The following SMAD2 variants were observed in gnomAD, a reference collection of about 807,000 sequenced individuals.
The protein encoded by SMAD2 is MAD homolog 2.
In SMAD2, 8 loss-of-function variants were observed where a neutral mutation model predicts 64.4. The observed-to-expected ratio is 0.12, with a 90% CI of 0.07 to 0.22. The LOEUF is 0.22. Among genes scored for constraint, SMAD2 ranks in the 10% least tolerant of loss-of-function variants. The pLI is 1.00. For missense variants in SMAD2, 289 were observed against 561.2 expected (o/e 0.51, Z 4.90); for synonymous variants, 203 against 195.8 (o/e 1.04, Z -0.31).
At position 47,815,384 on chromosome 18, in the gene SMAD2, T is replaced by G. The variant is rs1411076868; in HGVS notation, c.*26443A>C. On this transcript the variant is annotated 3_prime_UTR_variant, in exon 11 of 11. Transcript: ENST00000262160. ...AGCTGGGAAGAGGGAAGAACATTGA[T>G]AGAAAATCTGAAAGCCCACAGGGAA... 1 of 152,172 alleles carries G rather than the reference T, an allele frequency of 6.6e-6. No homozygotes were observed. The highest frequency in any genetic ancestry group is 1.5e-5 in the Non-Finnish European group (1 of 68,030). The allele number at this position is 152,172 out of a possible 1,614,324, so 9.4% of individuals were successfully genotyped here. A position where few individuals can be genotyped will look rare whatever the true frequency, so the allele number is the denominator to read the frequency against.
rs1217244256 is a variant in SMAD2, at chr18:47,817,394, A to G, written c.*24433T>C. 6.6e-6 allele frequency: 1 copy of G among 152,206 alleles called. No individual in the cohort carries two copies. The highest frequency in any genetic ancestry group is 1.5e-5 in the Non-Finnish European group (1 of 68,028). 9.4% of individuals were successfully genotyped at this position (152,206 alleles called of 1,614,324 possible). ...TACATCCCTCCTGGGATGACAAAAG[A>G]CTTTTTGTCTTTCCTGGCAAGTCCT... On this transcript the variant is annotated 3_prime_UTR_variant, in exon 11 of 11. Coordinates refer to ENST00000262160, the MANE Select transcript of SMAD2 (RefSeq NM_005901.6).
At chr18:47,877,765 T>C (rs1223359303) in intron 2 of SMAD2, among the ~76,000 whole-genome samples, 1 of 152,176 alleles carries the variant, frequency 6.6e-6, no homozygotes, top group Non-Finnish European at 1.5e-5. Context: ...ATTTTTTAAG[T>C]TGCTGCATTA....
chr18:47,873,381 A>C (rs2032063461), intron 2 of SMAD2, among the ~76,000 whole-genome samples: 1 of 152,234 alleles, frequency 6.6e-6, no homozygotes, highest in South Asian at 2.1e-4. Context: ...TAGAGGTATT[A>C]ACTCTACCAA....
chr18:47,841,852 G>A lies in SMAD2; in HGVS notation c.1379C>T (p.Ser460Leu). 6.2e-7 allele frequency: 1 copy of A among 1,614,148 alleles called. No homozygotes were observed. Among genetic ancestry groups the A allele is most frequent in the Non-Finnish European group, 8.5e-7 (1 of 1,180,012 alleles). ...TTATGACATGCTTGAGCAACGCACT[G>A]AAGGGGATCCCATCTGAGTTAATAC... ...DKVLTQMGSP[S>L]VRCSSMS Residue 460 changes from serine (S) to leucine (L), a missense_variant, in exon 11 of 11, where the codon TCA (serine) becomes TTA (leucine). Physicochemically the swap from Ser to Leu is moderately radical, Grantham distance 145. This residue lies in a region of SMAD2 where 20 missense variants were observed against 82.8 expected (regional missense o/e 0.24). Coordinates refer to ENST00000262160, the MANE Select transcript of SMAD2 (RefSeq NM_005901.6).
intron 1 of SMAD2, among the ~76,000 whole-genome samples, chr18:47,905,809 A>G (rs541635083): frequency 3.7e-4 from 56 of 152,156 alleles, no homozygotes; most frequent in Non-Finnish European, 6.8e-4. Context: ...AAAAGCATTA[A>G]CCACAAGAGA....
intron 1 of SMAD2, among the ~76,000 whole-genome samples, chr18:47,899,248 T>C (rs2033578829): frequency 6.6e-6 from 1 of 152,140 alleles, no homozygotes; most frequent in Non-Finnish European, 1.5e-5. Context: ...TTAGTCAAAC[T>C]AAATTTGCTG....
intron 3 of SMAD2, 148 bp from the exon 4 acceptor site, chr18:47,869,584 A>G (rs1002190738): frequency 3.0e-6 from 2 of 664,546 alleles, no homozygotes; most frequent in African/African-American, 3.7e-5. Flanking sequence ...AAGAACAAAA[A>G]TGTACTATTT....
At chr18:47,920,275 T>C (rs1293708861) in intron 1 of SMAD2, 1 of 152,232 alleles carries the variant, frequency 6.6e-6, no homozygotes, top group East Asian at 1.9e-4. Flanking sequence ...AAAGATCCCA[T>C]TTCCTGATGC....
In SMAD2 at chr18:47,838,518, A is replaced by C. The variant is rs769927798; in HGVS notation, c.*3309T>G. 7.3e-5 allele frequency: 17 copies of C among 233,004 alleles called. No homozygotes were observed. The highest frequency in any genetic ancestry group is 1.1e-4 in the Non-Finnish European group (13 of 117,924). 14.4% of individuals were successfully genotyped at this position (233,004 alleles called of 1,614,324 possible). On this transcript the variant is annotated 3_prime_UTR_variant, in exon 11 of 11. Coordinates refer to ENST00000262160, the MANE Select transcript of SMAD2 (RefSeq NM_005901.6). ...AATGTTTACTAACTGAATGTGTATTATAAGGTATAATCGGTATAACTGATA... is the reference window on the plus strand; with the variant it reads ...AATGTTTACTAACTGAATGTGTATTCTAAGGTATAATCGGTATAACTGATA...
At position 47,814,442 on chromosome 18, in the gene SMAD2, A is replaced by G. The variant is rs1237402034; in HGVS notation, c.*27385T>C. The G allele has an allele frequency of 2.0e-5, 3 of 152,236 alleles. No individual in the cohort carries two copies. Among genetic ancestry groups the G allele is most frequent in the East Asian group, 1.9e-4 (1 of 5,192 alleles). The allele number at this position is 152,236 out of a possible 1,614,324, so 9.4% of individuals were successfully genotyped here. ...AAAAGCAAAGCTTGGACAACTGAAC[A>G]TGAGTTTTACTCCTAACCATGGATA... On this transcript the variant is annotated 3_prime_UTR_variant, in exon 11 of 11. Coordinates refer to ENST00000262160, the MANE Select transcript of SMAD2 (RefSeq NM_005901.6).
chr18:47,879,443 GTCT>G (rs1288166068), intron 2 of SMAD2, among the ~76,000 whole-genome samples: 2 of 150,608 alleles, frequency 1.3e-5, no homozygotes, highest in Non-Finnish European at 2.9e-5. Flanking sequence ...ATTCTTTTGG[GTCT>G]TTTTTGACTC....
intron 1 of SMAD2, among the ~76,000 whole-genome samples, chr18:47,903,541 C>T: frequency 6.6e-6 from 1 of 152,090 alleles, no homozygotes; most frequent in Admixed American, 6.6e-5. Flanking sequence ...ATATTATTTA[C>T]TTCAATCTCC....
intron 10 of SMAD2, among the ~76,000 whole-genome samples, chr18:47,842,451 A>G (rs1914055821): frequency 6.6e-6 from 1 of 151,936 alleles, no homozygotes. Context: ...GAGACAGGAG[A>G]GTCACTTGAA....
chr18:47,924,758 C>T (rs534472987), intron 1 of SMAD2, among the ~76,000 whole-genome samples: 5 of 152,204 alleles, frequency 3.3e-5, no homozygotes, highest in Non-Finnish European at 7.3e-5. Flanking sequence ...CCACTGCCTC[C>T]GGCCTCACCA....
At position 47,834,390 on chromosome 18, in the gene SMAD2, A is replaced by G. The variant is rs1266571356; in HGVS notation, c.*7437T>C. On this transcript the variant is annotated 3_prime_UTR_variant, in exon 11 of 11. Coordinates refer to ENST00000262160, the MANE Select transcript of SMAD2 (RefSeq NM_005901.6). Reference sequence around the variant, plus strand: ...TGTGCTACTTATCAGAAAAATCCACATATATACAAAACTCTGCTAAAAGTT... The same window carrying G: ...TGTGCTACTTATCAGAAAAATCCACGTATATACAAAACTCTGCTAAAAGTT... 1.9e-5 allele frequency: 4 copies of G among 207,894 alleles called. No individual in the cohort carries two copies. The highest frequency in any genetic ancestry group is 3.9e-5 in the Non-Finnish European group (4 of 102,018). 12.9% of individuals were successfully genotyped at this position (207,894 alleles called of 1,614,324 possible).
At position 47,817,908 on chromosome 18, in the gene SMAD2, G is replaced by A. The variant is rs1384495191; in HGVS notation, c.*23919C>T. 2.0e-5 allele frequency: 3 copies of A among 152,198 alleles called. No homozygotes were observed. Among genetic ancestry groups the A allele is most frequent in the African/African-American group, 4.8e-5 (2 of 41,460 alleles). The allele number at this position is 152,198 out of a possible 1,614,324, so 9.4% of individuals were successfully genotyped here. On this transcript the variant is annotated 3_prime_UTR_variant, in exon 11 of 11. Transcript: ENST00000262160. Reference sequence around the variant, plus strand: ...CCTGACTTATCTGTCAGGATTTACAGAATTTTCTTTGCTCTTAAGAGATTG... The same window carrying A: ...CCTGACTTATCTGTCAGGATTTACAAAATTTTCTTTGCTCTTAAGAGATTG...
At position 47,850,382 on chromosome 18, in the gene SMAD2, TTA is replaced by T. The variant is rs1491529442; in HGVS notation, c.784+890_784+891del. Among the ~76,000 whole-genome samples the T allele has an allele frequency of 3.1e-4, 4 of 12,948 alleles. 1 individual carries two copies. Among genetic ancestry groups the T allele is most frequent in the Non-Finnish European group, 4.5e-4 (4 of 8,916 alleles). 8.5% of individuals were successfully genotyped at this position (12,948 alleles called of 152,430 possible). A position where few individuals can be genotyped will look rare whatever the true frequency, so the allele number is the denominator to read the frequency against. ...ATATGTATAATATATATTATATATA[TTA>T]TATAATATATATTATATATTATGTA... On this transcript the variant is annotated intron_variant, in intron 7 of 10. Coordinates refer to ENST00000262160, the MANE Select transcript of SMAD2 (RefSeq NM_005901.6).
chr18:47,905,567 G>T (rs1043085110), intron 1 of SMAD2, among the ~76,000 whole-genome samples: 3 of 152,000 alleles, frequency 2.0e-5, no homozygotes, highest in Non-Finnish European at 4.4e-5. Flanking sequence ...AGAGTATAGA[G>T]TAGGCATAAG....
intron 1 of SMAD2, among the ~76,000 whole-genome samples, chr18:47,908,309 T>C (rs796457358): frequency 5.3e-5 from 8 of 152,286 alleles, no homozygotes; most frequent in East Asian, 1.9e-4. Flanking sequence ...ACTGACAAAA[T>C]GGTTGTTGTA....
Sources: allele counts gnomAD v4.1 joint callset (sites outside exome capture counted in the v4.1 genomes callset), GRCh38; gene constraint gnomAD v4.1.1; regional missense constraint gnomAD v4.1.1; transcripts MANE v1.5; gene names NCBI Gene and HGNC (gene_info 2026-07-23, HGNC 2026-07-21).